ALOXE3: variants seen among roughly 807,000 people sequenced by gnomAD.
ALOXE3 encodes the protein arachidonate epidermal lipoxygenase 3, also known as hydroperoxide isomerase ALOXE3.
Under a neutral mutation model 87.5 loss-of-function variants are expected in ALOXE3, and 78 were observed. That is an observed-to-expected ratio of 0.89 (90% CI 0.74 to 1.08). The LOEUF is 1.08. ALOXE3 is among the 50% of genes least tolerant of loss of function. The pLI is 0.00. For synonymous variants in ALOXE3, 363 were observed against 370.8 expected, an observed-to-expected ratio of 0.98 and a Z score of 0.24; for missense variants, 946 against 912.4, an observed-to-expected ratio of 1.04 and a Z score of -0.47.
At chr17:8,112,984 A>T (rs1980231464) in intron 6 of ALOXE3, among the ~76,000 whole-genome samples, 1 of 152,168 alleles carries the variant, frequency 6.6e-6, no homozygotes, top group Non-Finnish European at 1.5e-5. Context: ...GCCCTGCAAC[A>T]TTATTTTATA....
chr17:8,118,859 T>A (rs1044522221), upstream of ALOXE3: 8 of 1,529,920 alleles, frequency 5.2e-6, no homozygotes, highest in Non-Finnish European at 7.0e-6. Flanking sequence ...CACTAGGGAC[T>A]GGGGAGGAAC....
chr17:8,116,957 GCAACGCACCTTGTA>G lies in ALOXE3; in HGVS notation c.157_170del (p.Tyr53HisfsTer6). ...GCAAGAGCTCACCCAGCTCCGCTGTGCAACGCACCTTGTACTTCTGTACCTGAGGGGACCAAGAC... is the reference window on the plus strand; with the variant it reads ...GCAAGAGCTCACCCAGCTCCGCTGTGCTTCTGTACCTGAGGGGACCAAGAC... On this transcript the variant is annotated frameshift_variant, in exon 3 of 16. Coordinates refer to ENST00000448843, the MANE Select transcript of ALOXE3 (RefSeq NM_021628.3). LOFTEE classifies it high-confidence loss of function. 1 of 1,614,080 alleles carries G rather than the reference GCAACGCACCTTGTA, an allele frequency of 6.2e-7. No individual in the cohort carries two copies. Among genetic ancestry groups the G allele is most frequent in the Non-Finnish European group, 8.5e-7 (1 of 1,179,978 alleles).
intron 6 of ALOXE3, 34 bp from the exon 7 acceptor site, chr17:8,112,230 G>A: frequency 2.0e-6 from 3 of 1,519,032 alleles, no homozygotes; most frequent in Non-Finnish European, 2.7e-6. Context: ...GGTGAGGTCT[G>A]GGGGCTAGAG....
intron 15 of ALOXE3, among the ~76,000 whole-genome samples, chr17:8,101,109 C>A (rs1275184511): frequency 6.6e-6 from 1 of 151,458 alleles, no homozygotes; most frequent in African/African-American, 2.4e-5. Context: ...CTCACTGCAA[C>A]CTCTGCCTCC....
Position 8,116,996 on chromosome 17 carries a change from C to T in ALOXE3, c.148-16G>A, listed in dbSNP as rs758219961. 3.1e-6 allele frequency: 5 copies of T among 1,611,548 alleles called. No individual in the cohort carries two copies. In the Admixed American group the frequency reaches 5.0e-5, roughly 16 times the overall value. The stretch of plus-strand genomic sequence containing the variant: ...ACTTCTGTACCTGAGGGGACCAAGA[C>T]AGCAAGCAGGTGAGAGGCGGGGAAC... On this transcript the variant is annotated splice_polypyrimidine_tract_variant and intron_variant, in intron 2 of 15. Transcript: ENST00000448843.
intron 13 of ALOXE3, among the ~76,000 whole-genome samples, chr17:8,106,719 G>A (rs1395598548): frequency 1.3e-5 from 2 of 152,130 alleles, no homozygotes; most frequent in African/African-American, 2.4e-5. Context: ...CCAGCTACTC[G>A]GGAGGCTGAG....
chr17:8,096,902 T>C, intron 15 of ALOXE3, 96 bp from the exon 16 acceptor site: 1 of 1,413,102 alleles, frequency 7.1e-7, no homozygotes, highest in Non-Finnish European at 9.9e-7. Flanking sequence ...CAAGGTGGCT[T>C]CTAGTAGCAC....
At chr17:8,097,894 C>A (rs979534639) in intron 15 of ALOXE3, among the ~76,000 whole-genome samples, 1 of 150,978 alleles carries the variant, frequency 6.6e-6, no homozygotes, top group African/African-American at 2.4e-5. Context: ...ACTACAGGTG[C>A]CTGCCACCAT....
rs1979657790 is a variant in ALOXE3, at chr17:8,108,055, GAAAGAAAGA to G, written c.1684+404_1684+412del. Among the ~76,000 whole-genome samples the G allele has an allele frequency of 6.0e-5, 9 of 149,730 alleles. 1 individual carries two copies. The highest frequency in any genetic ancestry group is 5.3e-4 in the Admixed American group (8 of 15,012). On this transcript the variant is annotated intron_variant, in intron 13 of 15. Coordinates refer to ENST00000448843, the MANE Select transcript of ALOXE3 (RefSeq NM_021628.3). The stretch of plus-strand genomic sequence containing the variant: ...AGAAAGAAAGAAAGAAAGAAAGAAA[GAAAGAAAGA>G]AAGGAAGAGAGGTTGGTGGCTGGAG...
intron 8 of ALOXE3, among the ~76,000 whole-genome samples, chr17:8,110,971 G>A (rs1980023974): frequency 6.6e-6 from 1 of 152,212 alleles, no homozygotes; most frequent in South Asian, 2.1e-4. Flanking sequence ...CAACCTCAGA[G>A]CTCCTAGTTC....
In ALOXE3 at chr17:8,117,910, C is replaced by T. The variant is rs1244276831; in HGVS notation, c.81G>A (p.Val27=). The change falls in exon 2 of 16, where the codon GTG becomes GTA. Residue 27 remains valine, a synonymous_variant. Coordinates refer to ENST00000448843, the MANE Select transcript of ALOXE3 (RefSeq NM_021628.3). ...GCTTGGGGCTTTCACCACACGTGCC[C>T]ACCAGTGTGACAGAGATGTTGTCCA... ...GTLDNISVTL[V]GTCGESPKQR... 1.2e-6 allele frequency: 2 copies of T among 1,612,210 alleles called. No homozygotes were observed. The highest frequency in any genetic ancestry group is 1.7e-6 in the Non-Finnish European group (2 of 1,179,606).
chr17:8,104,045 C>A, intron 14 of ALOXE3, 70 bp downstream of exon 14: 1 of 1,416,324 alleles, frequency 7.1e-7, no homozygotes. Context: ...CCCAAGCTCT[C>A]AACCCAAATT....
chr17:8,112,676 A>G (rs564836330), intron 6 of ALOXE3, among the ~76,000 whole-genome samples: 1 of 152,302 alleles, frequency 6.6e-6, no homozygotes, highest in South Asian at 2.1e-4. Flanking sequence ...ATGATCAGAG[A>G]CATGCTTTGT....
At chr17:8,109,849 TG>T in intron 11 of ALOXE3, 66 bp downstream of exon 11, 2 of 1,465,532 alleles carry the variant, frequency 1.4e-6, no homozygotes, top group South Asian at 1.2e-5. Context: ...GAACAGGGCT[TG>T]GGGGCGGGTA....
intron 15 of ALOXE3, among the ~76,000 whole-genome samples, chr17:8,101,415 G>A (rs938565747): frequency 5.3e-5 from 8 of 152,250 alleles, no homozygotes; most frequent in African/African-American, 1.9e-4. Flanking sequence ...GAGACATGAT[G>A]GCTCCTCAGT....
intron 3 of ALOXE3, 120 bp from the exon 4 acceptor site, chr17:8,115,808 G>T (rs994947864): frequency 1.1e-6 from 1 of 947,732 alleles, no homozygotes; most frequent in Admixed American, 1.8e-5. Context: ...TGTGAAACAC[G>T]TGGCGGTGCC....
chr17:8,110,244 C>A lies in ALOXE3; in HGVS notation c.1153G>T (p.Glu385Ter), dbSNP rs562017032. 6.2e-7 allele frequency: 1 copy of A among 1,614,064 alleles called. No individual in the cohort carries two copies. ...DSPIFLPTDS[E>*]WDWLLAKTWV... ...GTCTTGGCCAGCAGCCAGTCCCATT[C>A]GGAGTCAGTGGGCAGGAAGATGGGG... The change falls in exon 10 of 16, where the codon GAA becomes TAA. Residue 385 changes from glutamate (E) to a stop codon, truncating the protein, a stop_gained. Transcript: ENST00000448843. LOFTEE classifies it high-confidence loss of function.
At position 8,110,407 on chromosome 17, in the gene ALOXE3, G is replaced by A; in HGVS notation, c.1079C>T (p.Ala360Val). 6.2e-7 allele frequency: 1 copy of A among 1,608,864 alleles called. No homozygotes were observed. The highest frequency in any genetic ancestry group is 8.5e-7 in the Non-Finnish European group (1 of 1,177,054). Residue 360 changes from alanine to valine, a missense_variant, in exon 9 of 16, where the codon GCG (alanine) becomes GTG (valine). Coordinates refer to ENST00000448843, the MANE Select transcript of ALOXE3 (RefSeq NM_021628.3). ...CACCTGGATGGCCAAGGGCACCAGC[G>A]CCCCCTGGGGGCTGAGCCACAGCAG... ...LCLLWLSPQGALVPLAIQLSQ... is the reference protein window; with the variant it reads ...LCLLWLSPQGVLVPLAIQLSQ...
intron 13 of ALOXE3, among the ~76,000 whole-genome samples, chr17:8,107,925 GAA>G (rs1979549256): frequency 3.7e-4 from 2 of 5,466 alleles, no homozygotes; most frequent in East Asian, 1.6e-3. Flanking sequence ...AAGAAAGAAA[GAA>G]AGAAAGAAAG....
Sources: gnomAD v4.1 joint callset for allele counts (sites outside exome capture counted in the v4.1 genomes callset) on GRCh38, gnomAD v4.1.1 for gene constraint, MANE v1.5 for transcripts, NCBI Gene and HGNC (gene_info 2026-07-23, HGNC 2026-07-21) for gene names.